GLE1: variants seen among roughly 807,000 people sequenced by gnomAD.
GLE1 encodes GLE1 RNA export mediator.
GLE1 carries 78 observed loss-of-function variants against 97.3 expected under a neutral mutation model. The observed-to-expected ratio is 0.80, with a 90% CI of 0.67 to 0.97. GLE1 has a LOEUF of 0.97. Among genes scored for constraint, GLE1 ranks in the 50% least tolerant of loss-of-function variants. GLE1 has a pLI of 0.00. For missense variants in GLE1, 753 were observed against 857.5 expected (o/e 0.88, Z 1.52); for synonymous variants, 302 against 313.4 (o/e 0.96, Z 0.39).
intron 13 of GLE1, among the ~76,000 whole-genome samples, chr9:128,538,793 T>G (rs1847801558): frequency 6.6e-6 from 1 of 152,094 alleles, no homozygotes; most frequent in Non-Finnish European, 1.5e-5. Context: ...ACTCTTGGGC[T>G]CAAGCGATCC....
At position 128,509,063 on chromosome 9, in the gene GLE1, C is replaced by T. The variant is rs867034826; in HGVS notation, c.287C>T (p.Ser96Phe). 1.2e-6 allele frequency: 2 copies of T among 1,612,000 alleles called. No homozygotes were observed. Among genetic ancestry groups the T allele is most frequent in the African/African-American group, 2.7e-5 (2 of 75,006 alleles). Residue 96 changes from serine (S) to phenylalanine (F), a missense_variant, in exon 2 of 16, where the codon TCC becomes TTC. Transcript: ENST00000309971. The stretch of plus-strand genomic sequence containing the variant: ...TCTCCTGACGCAAGCTCTGCCTTTT[C>T]CCCAGCCTCCCCTGCAACACCAAAT... ...PKSPDASSAF[S>F]PASPATPNGT... is the part of the protein sequence containing the mutation.
At chr9:128,509,541 A>C (rs1846742200) in intron 2 of GLE1, among the ~76,000 whole-genome samples, 1 of 151,806 alleles carries the variant, frequency 6.6e-6, no homozygotes, top group Non-Finnish European at 1.5e-5. Context: ...TCTCCCACTT[A>C]AAAATGCTAA....
At chr9:128,507,174 A>G (rs949194287) in intron 1 of GLE1, among the ~76,000 whole-genome samples, 1 of 152,162 alleles carries the variant, frequency 6.6e-6, no homozygotes, top group East Asian at 1.9e-4. Context: ...GGGTGTATAC[A>G]TACATATCCA....
chr9:128,515,831 T>A (rs1846970229), intron 3 of GLE1, among the ~76,000 whole-genome samples, 192 bp downstream of exon 3: 1 of 152,232 alleles, frequency 6.6e-6, no homozygotes, highest in African/African-American at 2.4e-5. Context: ...GGCTGTTACA[T>A]TTTACATGTG....
At chr9:128,513,257 C>T (rs1314514412) in intron 2 of GLE1, among the ~76,000 whole-genome samples, 1 of 151,920 alleles carries the variant, frequency 6.6e-6, no homozygotes, top group African/African-American at 2.4e-5. Context: ...ATTTTTGACT[C>T]AATCTAGTGT....
chr9:128,533,486 C>CT (rs755149138), intron 9 of GLE1, 27 bp from the exon 10 acceptor site: 2 of 995,768 alleles, frequency 2.0e-6, no homozygotes, highest in Non-Finnish European at 3.0e-6. Flanking sequence ...GTGGTTATAT[C>CT]TTTTAATTTC....
At chr9:128,540,231 G>T (rs1273535975) in intron 14 of GLE1, 44 bp from the exon 15 acceptor site, 4 of 1,275,822 alleles carry the variant, frequency 3.1e-6, no homozygotes, top group Admixed American at 1.7e-5. Context: ...CAAAAGATAG[G>T]TGTATATCAT....
intron 14 of GLE1, 145 bp from the exon 15 acceptor site, chr9:128,540,130 C>T (rs1383191187): frequency 5.7e-6 from 4 of 706,354 alleles, no homozygotes; most frequent in East Asian, 2.7e-5. Context: ...ACAGGAGGAT[C>T]GCTTGAGCCC....
Position 128,533,654 on chromosome 9 carries a change from T to G in GLE1, c.1454T>G (p.Val485Gly). 1 of 1,614,126 alleles carries G rather than the reference T, an allele frequency of 6.2e-7. No homozygotes were observed. The highest frequency in any genetic ancestry group is 8.5e-7 in the Non-Finnish European group (1 of 1,179,998). ...FVQYKLAEKF[V>G]KQGEEEVASH... is the part of the protein sequence containing the mutation. Reference sequence around the variant, plus strand: ...CAATACAAACTGGCAGAGAAATTTGTGGTGAGAAACCTTGTTGCTAGAGGT... The same window carrying G: ...CAATACAAACTGGCAGAGAAATTTGGGGTGAGAAACCTTGTTGCTAGAGGT... Residue 485 changes from valine to glycine, a missense_variant and splice_region_variant, in exon 10 of 16, where the codon GTG becomes GGG. Val to Gly is a moderately radical substitution (Grantham distance 109). Coordinates refer to ENST00000309971, the MANE Select transcript of GLE1 (RefSeq NM_001003722.2).
At chr9:128,508,336 G>T (rs1406496096) in intron 1 of GLE1, among the ~76,000 whole-genome samples, 1 of 151,650 alleles carries the variant, frequency 6.6e-6, no homozygotes, top group African/African-American at 2.4e-5. Flanking sequence ...AGCCCAGGAG[G>T]TCAGGCTACA....
chr9:128,517,525 T>C (rs1315332042), intron 3 of GLE1, among the ~76,000 whole-genome samples: 1 of 152,194 alleles, frequency 6.6e-6, no homozygotes, highest in Non-Finnish European at 1.5e-5. Flanking sequence ...GGTGGTTGCT[T>C]AGAGTAGGGT....
At chr9:128,535,352 T>C (rs1377070148) in intron 11 of GLE1, among the ~76,000 whole-genome samples, 3 of 143,818 alleles carry the variant, frequency 2.1e-5, no homozygotes, top group South Asian at 2.2e-4. Context: ...GAAAACCCGT[T>C]TCTACTAAAA....
At chr9:128,511,897 C>T (rs979667392) in intron 2 of GLE1, among the ~76,000 whole-genome samples, 2 of 151,914 alleles carry the variant, frequency 1.3e-5, no homozygotes, top group African/African-American at 2.4e-5. Flanking sequence ...ATGCAACCTC[C>T]GCCTCCCAGG....
rs748516029 is a variant in GLE1 at position 128,525,364 on chromosome 9, C to T, written c.1070C>T (p.Pro357Leu). The change falls in exon 7 of 16, where the codon CCA (proline) becomes CTA (leucine). Residue 357 changes from proline to leucine, a missense_variant. Pro to Leu is a moderately conservative substitution (Grantham distance 98). Transcript: ENST00000309971. Reference protein sequence around the residue: ...KLQEAQMQQGPEAHKEPPAPS... With the variant: ...KLQEAQMQQGLEAHKEPPAPS... The stretch of plus-strand genomic sequence containing the variant: ...CAAGAGGCACAGATGCAGCAGGGAC[C>T]AGAGGCCCACAAAGAGCCCCCAGCT... The T allele has an allele frequency of 6.2e-7, 1 of 1,612,896 alleles. No individual in the cohort carries two copies. Among genetic ancestry groups the T allele is most frequent in the Non-Finnish European group, 8.5e-7 (1 of 1,179,436 alleles).
At chr9:128,508,633 C>G (rs529184884) in intron 1 of GLE1, among the ~76,000 whole-genome samples, 1 of 152,218 alleles carries the variant, frequency 6.6e-6, no homozygotes, top group African/African-American at 2.4e-5. Context: ...TAGTGGGAAT[C>G]TTTGTGCATT....
At chr9:128,536,532 C>CCATGTGT (rs1295199047) in intron 12 of GLE1, 48 bp downstream of exon 12, 1 of 1,513,468 alleles carries the variant, frequency 6.6e-7, no homozygotes. Flanking sequence ...AGACCACAGT[C>CCATGTGT]CATGTGTATT....
intron 6 of GLE1, among the ~76,000 whole-genome samples, chr9:128,524,987 G>A (rs1004656033): frequency 1.3e-5 from 2 of 152,086 alleles, no homozygotes; most frequent in African/African-American, 4.8e-5. Context: ...TGAGAATACA[G>A]ACCAATTTAT....
intron 3 of GLE1, among the ~76,000 whole-genome samples, chr9:128,521,158 T>C (rs1349018375): frequency 6.6e-6 from 1 of 152,156 alleles, no homozygotes; most frequent in Non-Finnish European, 1.5e-5. Flanking sequence ...TTTTTTTCTT[T>C]CCAATTCTCA....
chr9:128,510,550 A>G lies in GLE1; in HGVS notation c.321+1453A>G, dbSNP rs1339131098. The stretch of plus-strand genomic sequence containing the variant: ...GCTTTTTTTTTTTTTTTTTTTTAAG[A>G]TGGAGTCTAGCTCTGTCACCCAGGC... On this transcript the variant is annotated intron_variant, in intron 2 of 15. Transcript: ENST00000309971. 2.0e-4 allele frequency among the ~76,000 whole-genome samples: 17 copies of G among 86,894 alleles called. No individual in the cohort carries two copies. The Admixed American group carries it at 2.6e-3, about 13-fold the overall frequency. The allele number at this position is 86,894 out of a possible 152,430, so 57.0% of individuals were successfully genotyped here. A position where few individuals can be genotyped will look rare whatever the true frequency, so the allele number is the denominator to read the frequency against.
Sources: allele counts gnomAD v4.1 joint callset (sites outside exome capture counted in the v4.1 genomes callset), GRCh38; gene constraint gnomAD v4.1.1; transcripts MANE v1.5; gene names NCBI Gene and HGNC (gene_info 2026-07-23, HGNC 2026-07-21).